The following NUBPL variants were observed in gnomAD, a reference collection of about 807,000 sequenced individuals.
NUBPL encodes NUBP iron-sulfur cluster assembly factor, mitochondrial.
A neutral mutation model predicts 45.7 loss-of-function variants in NUBPL; 31 were observed. The ratio of observed to expected loss-of-function variants is 0.68; its 90% CI spans 0.51 to 0.92. The LOEUF is 0.92. Among genes scored for constraint, NUBPL ranks in the 40% least tolerant of loss-of-function variants. The pLI, the probability that NUBPL is intolerant of heterozygous loss-of-function variation, is 0.00. For missense variants in NUBPL, 401 were observed against 398.7 expected (o/e 1.01, Z -0.05); for synonymous variants, 144 against 140.9 (o/e 1.02, Z -0.15).
chr14:31,817,626 C>T (rs1418055839), intron 7 of NUBPL, among the ~76,000 whole-genome samples: 2 of 152,150 alleles, frequency 1.3e-5, no homozygotes, highest in African/African-American at 4.8e-5. Context: ...TATAGACAAG[C>T]ATCCAGGCCT....
At position 31,787,853 on chromosome 14, in the gene NUBPL, C is replaced by T. The variant is rs1248190672; in HGVS notation, c.587C>T (p.Ser196Leu). ...PGTGDVQLSV[S>L]QNIPITGAVI... ...ACTGGAGATGTGCAGTTATCAGTCT[C>T]ACAGAATATTCCTATAACAGGTAAA... Residue 196 changes from serine to leucine, a missense_variant, in exon 7 of 11, where the codon TCA becomes TTA. Ser to Leu is a moderately radical substitution (Grantham distance 145). Transcript: ENST00000281081. 10 of 1,610,774 alleles carry T rather than the reference C, an allele frequency of 6.2e-6. No individual in the cohort carries two copies. Among genetic ancestry groups the T allele is most frequent in the Non-Finnish European group, 8.5e-6 (10 of 1,177,224 alleles).
rs146210913 is a variant in NUBPL, at chr14:31,612,258, A to C, written c.382+12879A>C. Among the ~76,000 whole-genome samples, 36 of 152,386 alleles carry C rather than the reference A, an allele frequency of 2.4e-4. No homozygotes were observed. The East Asian group carries it at 6.2e-3, about 26-fold the overall frequency. On this transcript the variant is annotated intron_variant, in intron 4 of 10. Transcript: ENST00000281081. Reference sequence around the variant, plus strand: ...ACTTTTGCACCAACCTGATATAAGGAGCTCAGACAAATCTATAGGAAAACA... The same window carrying C: ...ACTTTTGCACCAACCTGATATAAGGCGCTCAGACAAATCTATAGGAAAACA...
intron 6 of NUBPL, among the ~76,000 whole-genome samples, chr14:31,706,624 C>T (rs370443439): frequency 3.3e-5 from 5 of 152,308 alleles, no homozygotes; most frequent in African/African-American, 1.2e-4. Flanking sequence ...CACTCTTCCC[C>T]TAAGAAGGTG....
intron 3 of NUBPL, chr14:31,577,835 C>A: frequency 3.5e-6 from 1 of 289,624 alleles, no homozygotes; most frequent in Non-Finnish European, 5.2e-6. Flanking sequence ...TGTCATCCTT[C>A]AGGTCTTGGA....
intron 4 of NUBPL, among the ~76,000 whole-genome samples, chr14:31,658,201 T>C (rs1488769803): frequency 6.6e-6 from 1 of 152,194 alleles, no homozygotes; most frequent in East Asian, 1.9e-4. Flanking sequence ...ATTAATCTCA[T>C]GTATGTTGGA....
At chr14:31,824,184 C>T (rs1325797217) in intron 7 of NUBPL, among the ~76,000 whole-genome samples, 4 of 152,022 alleles carry the variant, frequency 2.6e-5, no homozygotes, top group South Asian at 2.1e-4. Context: ...TATTTTAATC[C>T]TGTGACCTAA....
At chr14:31,589,497 A>G (rs1420274793) in intron 3 of NUBPL, among the ~76,000 whole-genome samples, 5 of 152,228 alleles carry the variant, frequency 3.3e-5, no homozygotes, top group Non-Finnish European at 7.4e-5. Flanking sequence ...TTTTATAAGA[A>G]TAATTCAGTG....
chr14:31,745,123 A>G (rs2038369115), intron 6 of NUBPL, among the ~76,000 whole-genome samples: 1 of 151,964 alleles, frequency 6.6e-6, no homozygotes, highest in Non-Finnish European at 1.5e-5. Flanking sequence ...ACATATGTAT[A>G]CATGCGCCAT....
At chr14:31,705,526 C>G (rs892636449) in intron 6 of NUBPL, among the ~76,000 whole-genome samples, 2 of 151,980 alleles carry the variant, frequency 1.3e-5, no homozygotes, top group Admixed American at 1.3e-4. Context: ...TGGCTAGACA[C>G]AGAGTGCTGA....
Position 31,615,980 on chromosome 14 carries a change from C to T in NUBPL, c.382+16601C>T, listed in dbSNP as rs182721519. Among the ~76,000 whole-genome samples the T allele has an allele frequency of 2.7e-4, 41 of 152,224 alleles. No individual in the cohort carries two copies. The East Asian group carries it at 2.9e-3, about 11-fold the overall frequency. On this transcript the variant is annotated intron_variant, in intron 4 of 10. Coordinates refer to ENST00000281081, the MANE Select transcript of NUBPL (RefSeq NM_025152.3). ...TCTCGTTTCTTGACTTTTAAATGAT[C>T]GCCATTCTAACTGGCGTGAGATGAT... is the stretch of plus-strand genomic sequence containing the variant.
At chr14:31,715,224 C>T (rs1360977845) in intron 6 of NUBPL, among the ~76,000 whole-genome samples, 1 of 152,152 alleles carries the variant, frequency 6.6e-6, no homozygotes, top group African/African-American at 2.4e-5. Context: ...TACCTTTTAT[C>T]CTCTCTTTCT....
intron 6 of NUBPL, among the ~76,000 whole-genome samples, chr14:31,691,092 C>G (rs2037082889): frequency 6.6e-6 from 1 of 151,832 alleles, no homozygotes; most frequent in Non-Finnish European, 1.5e-5. Context: ...CGATGTATTT[C>G]CATACACTAA....
At chr14:31,835,618 G>C (rs1401045649) in intron 8 of NUBPL, among the ~76,000 whole-genome samples, 2 of 152,100 alleles carry the variant, frequency 1.3e-5, no homozygotes, top group Non-Finnish European at 2.9e-5. Context: ...TAAGAATGCA[G>C]GACATAGAGA....
In NUBPL at chr14:31,591,463, T is replaced by G. The variant is rs572353523; in HGVS notation, c.292-7826T>G. On this transcript the variant is annotated intron_variant, in intron 3 of 10. Coordinates refer to ENST00000281081, the MANE Select transcript of NUBPL (RefSeq NM_025152.3). ...AGGCATGAGCCACTGCGCCCAGCCA[T>G]ATTTTTTAATAAAGCCACCATAGAA... Among the ~76,000 whole-genome samples, 3 of 152,220 alleles carry G rather than the reference T, an allele frequency of 2.0e-5. No homozygotes were observed. In the East Asian group the frequency reaches 5.8e-4, roughly 29 times the overall value.
intron 4 of NUBPL, 57 bp downstream of exon 4, chr14:31,599,436 T>A (rs774666357): frequency 3.4e-6 from 4 of 1,188,740 alleles, no homozygotes; most frequent in Non-Finnish European, 3.7e-6. Flanking sequence ...TAATACTTAC[T>A]GGGTGTCAGA....
intron 6 of NUBPL, among the ~76,000 whole-genome samples, chr14:31,707,114 G>A (rs2037470339): frequency 6.6e-6 from 1 of 152,208 alleles, no homozygotes. Context: ...ATCCTGTCCT[G>A]TAGGGAGTTC....
At chr14:31,718,567 A>G (rs1464893576) in intron 6 of NUBPL, among the ~76,000 whole-genome samples, 1 of 152,170 alleles carries the variant, frequency 6.6e-6, no homozygotes, top group Non-Finnish European at 1.5e-5. Flanking sequence ...AAAGTGATTA[A>G]AATTGTAGTA....
intron 7 of NUBPL, among the ~76,000 whole-genome samples, chr14:31,818,240 A>G (rs566702373): frequency 6.6e-6 from 1 of 152,268 alleles, no homozygotes; most frequent in South Asian, 2.1e-4. Flanking sequence ...TCAATATTAG[A>G]CAGAACAACG....
intron 4 of NUBPL, among the ~76,000 whole-genome samples, chr14:31,638,299 C>T (rs1412557195): frequency 6.6e-6 from 1 of 151,654 alleles, no homozygotes; most frequent in Non-Finnish European, 1.5e-5. Flanking sequence ...GACAAAATCT[C>T]TCAGCATTTG....
Sources: gnomAD v4.1 joint callset for allele counts (sites outside exome capture counted in the v4.1 genomes callset) on GRCh38, gnomAD v4.1.1 for gene constraint, MANE v1.5 for transcripts, NCBI Gene and HGNC (gene_info 2026-07-23, HGNC 2026-07-21) for gene names.